RGR: variants seen among roughly 807,000 people sequenced by gnomAD.
RGR encodes the protein retinal G protein coupled receptor.
A neutral mutation model predicts 28.6 loss-of-function variants in RGR; 30 were observed. That is an observed-to-expected ratio of 1.05 (90% CI 0.78 to 1.42). The LOEUF is 1.42. Among genes scored for constraint, RGR ranks in the 40% most tolerant of loss-of-function variants. RGR has a pLI of 0.00. For missense variants in RGR, 404 were observed against 375.6 expected, an observed-to-expected ratio of 1.08 and a Z score of -0.62; for synonymous variants, 180 against 156.4, an observed-to-expected ratio of 1.15 and a Z score of -1.13.
At chr10:84,252,665 C>T (rs113559912) in intron 3 of RGR, among the ~76,000 whole-genome samples, 192 bp from the exon 4 acceptor site, 1,921 of 152,174 alleles carry the variant, frequency 0.013, 47 homozygotes, top group African/African-American at 0.043. Flanking sequence ...TTTTTTAGAC[C>T]GTAACACAGG....
chr10:84,248,319 C>G, intron 2 of RGR: 1 of 474,512 alleles, frequency 2.1e-6, no homozygotes, highest in Non-Finnish European at 3.2e-6. Flanking sequence ...ATACAAAAAC[C>G]AGGGTCTTCC....
Position 84,252,909 on chromosome 10 carries a change from G to A in RGR, c.411G>A (p.Leu137=). The change falls in exon 4 of 7, where the codon CTG becomes CTA. Residue 137 remains leucine, a synonymous_variant. Transcript: ENST00000652092. The part of the protein sequence containing the change: ...SAVSLVLFVW[L]SSAFWAALPL... The stretch of plus-strand genomic sequence containing the variant: ...TCTCTCTGGTGCTCTTCGTGTGGCT[G>A]TCTTCTGCCTTCTGGGCAGCTCTGC... The A allele has an allele frequency of 6.2e-7, 1 of 1,614,140 alleles. No homozygotes were observed. Among genetic ancestry groups the A allele is most frequent in the Non-Finnish European group, 8.5e-7 (1 of 1,180,050 alleles).
intron 3 of RGR, chr10:84,250,666 G>A (rs962734336): frequency 2.1e-5 from 11 of 523,150 alleles, no homozygotes; most frequent in Non-Finnish European, 3.8e-5. Flanking sequence ...GCAGAGCAGT[G>A]TGAAGGCAGG....
chr10:84,251,504 C>A (rs1354290955), intron 3 of RGR, among the ~76,000 whole-genome samples: 1 of 152,182 alleles, frequency 6.6e-6, no homozygotes, highest in Admixed American at 6.5e-5. Flanking sequence ...ACCTTCTTGC[C>A]ATGTCCTCAC....
At position 84,248,831 on chromosome 10, in the gene RGR, T is replaced by C. The variant is rs577538532; in HGVS notation, c.237-91T>C. 10 of 1,611,424 alleles carry C rather than the reference T, an allele frequency of 6.2e-6. No homozygotes were observed. In the East Asian group the frequency reaches 1.8e-4, roughly 29 times the overall value. On this transcript the variant is annotated intron_variant, in intron 2 of 6. Coordinates refer to ENST00000652092, the MANE Select transcript of RGR (RefSeq NM_001012720.2). ...CCCTCTTCAGAGAAGAAGGGCAGCA[T>C]TCAGGAACACACACTCCAAGCTGTA...
At chr10:84,246,639 T>G (rs1320535748) in intron 1 of RGR, among the ~76,000 whole-genome samples, 1 of 152,244 alleles carries the variant, frequency 6.6e-6, no homozygotes, top group Non-Finnish European at 1.5e-5. Context: ...CAGTGGGCAC[T>G]TACATTGATT....
At chr10:84,250,350 CT>C (rs1842799820) in intron 3 of RGR, 1 of 717,442 alleles carries the variant, frequency 1.4e-6, no homozygotes, top group African/African-American at 1.7e-5. Flanking sequence ...TTCACTGCCC[CT>C]CATGGGTCTC....
At chr10:84,249,169 T>C (rs1842785539) in intron 3 of RGR, 126 bp downstream of exon 3, 3 of 1,343,868 alleles carry the variant, frequency 2.2e-6, no homozygotes, top group African/African-American at 2.9e-5. Flanking sequence ...TGGGTAGGTG[T>C]GAGTGTGCAT....
chr10:84,251,987 G>T (rs17103281), intron 3 of RGR, among the ~76,000 whole-genome samples: 19,474 of 152,182 alleles, frequency 0.13, 1,260 homozygotes, highest in South Asian at 0.16. Flanking sequence ...ACTGTCCTCT[G>T]CCCTGGTATC....
At position 84,252,953 on chromosome 10, in the gene RGR, A is replaced by T. The variant is rs1228165666; in HGVS notation, c.455A>T (p.His152Leu). ...GCTCTGCCCCTTCTGGGTTGGGGTC[A>T]CTACGACTATGAGCCACTGGGGACA... is the stretch of plus-strand genomic sequence containing the variant. ...WAALPLLGWG[H>L]YDYEPLGTCC... Residue 152 changes from histidine (H) to leucine (L), a missense_variant, in exon 4 of 7, where the codon CAC (histidine) becomes CTC (leucine). Physicochemically the swap from His to Leu is moderately conservative, Grantham distance 99. Coordinates refer to ENST00000652092, the MANE Select transcript of RGR (RefSeq NM_001012720.2). The T allele has an allele frequency of 6.2e-7, 1 of 1,614,090 alleles. No homozygotes were observed. Among genetic ancestry groups the T allele is most frequent in the South Asian group, 1.1e-5 (1 of 91,078 alleles).
intron 6 of RGR, 94 bp downstream of exon 6, chr10:84,258,100 C>A (rs1385709719): frequency 1.8e-6 from 2 of 1,099,932 alleles, no homozygotes; most frequent in South Asian, 2.6e-5. Context: ...ACCTCTGTGT[C>A]AGTCTCTTCC....
chr10:84,251,978 C>T (rs1344671689), intron 3 of RGR, among the ~76,000 whole-genome samples: 3 of 152,222 alleles, frequency 2.0e-5, no homozygotes, highest in African/African-American at 7.2e-5. Context: ...ATCTGGAGAA[C>T]TGTCCTCTGC....
intron 3 of RGR, among the ~76,000 whole-genome samples, chr10:84,251,349 C>A (rs1037257695): frequency 2.0e-5 from 3 of 152,108 alleles, no homozygotes; most frequent in Non-Finnish European, 2.9e-5. Context: ...CTTAGTCTGC[C>A]CAGGCTCCTA....
At chr10:84,249,089 G>A (rs566167999) in intron 3 of RGR, 46 bp downstream of exon 3, 4 of 1,608,306 alleles carry the variant, frequency 2.5e-6, no homozygotes, top group Non-Finnish European at 3.4e-6. Context: ...ATGCAGTGTG[G>A]AGAGGATAAG....
At chr10:84,255,480 C>T (rs1461814272) in intron 5 of RGR, 8 of 152,128 alleles carry the variant, frequency 5.3e-5, no homozygotes, top group Admixed American at 1.3e-4. Flanking sequence ...AGGGTGGTGC[C>T]CAAAAGATAA....
Position 84,258,775 on chromosome 10 carries a change from G to C in RGR, c.*136G>C. On this transcript the variant is annotated 3_prime_UTR_variant, in exon 7 of 7. Coordinates refer to ENST00000652092, the MANE Select transcript of RGR (RefSeq NM_001012720.2). ...GATCCTGGTCCTAGGCTGGACACAG[G>C]ATTCAGAAAGACACCAGGCTGCACA... 1 of 1,286,348 alleles carries C rather than the reference G, an allele frequency of 7.8e-7. No homozygotes were observed. Among genetic ancestry groups the C allele is most frequent in the Non-Finnish European group, 1.1e-6 (1 of 917,940 alleles). The allele number at this position is 1,286,348 out of a possible 1,614,324, so 79.7% of individuals were successfully genotyped here.
chr10:84,247,782 G>T (rs201761797), intron 2 of RGR, 35 bp downstream of exon 2: 17 of 1,613,542 alleles, frequency 1.1e-5, no homozygotes, highest in Middle Eastern at 3.4e-4. Flanking sequence ...AGGCTCTGGG[G>T]TCCTGCCTGG....
Position 84,258,520 on chromosome 10 carries a change from A to G in RGR, c.757A>G (p.Ile253Val), listed in dbSNP as rs1343178443. ...SPKLQMVPAL[I>V]AKMVPTINAI... ...TCTGCCACAACAGGTGCCCGCCCTC[A>G]TTGCCAAAATGGTGCCCACGATCAA... is the stretch of plus-strand genomic sequence containing the variant. The change falls in exon 7 of 7, where the codon ATT (isoleucine) becomes GTT (valine). Residue 253 changes from isoleucine (I) to valine (V), a missense_variant. Transcript: ENST00000652092. 1.2e-6 allele frequency: 2 copies of G among 1,614,208 alleles called. No individual in the cohort carries two copies. Among genetic ancestry groups the G allele is most frequent in the Middle Eastern group, 1.6e-4 (1 of 6,062 alleles).
intron 4 of RGR, 99 bp from the exon 5 acceptor site, chr10:84,254,227 T>G: frequency 9.6e-7 from 1 of 1,039,616 alleles, no homozygotes; most frequent in Non-Finnish European, 1.5e-6. Context: ...ATGGGGCATT[T>G]CCCCACAACC....
Sources: allele counts gnomAD v4.1 joint callset (sites outside exome capture counted in the v4.1 genomes callset), GRCh38; gene constraint gnomAD v4.1.1; transcripts MANE v1.5; gene names NCBI Gene and HGNC (gene_info 2026-07-23, HGNC 2026-07-21).